MED13L: variants seen among roughly 807,000 people sequenced by gnomAD.
MED13L encodes mediator of RNA polymerase II transcription subunit 13-like.
MED13L carries 7 observed loss-of-function variants against 220.9 expected under a neutral mutation model. The observed-to-expected ratio is 0.03, with a 90% confidence interval of 0.02 to 0.06. The LOEUF is 0.06. Among genes scored for constraint, MED13L ranks in the 10% least tolerant of loss-of-function variants. The pLI is 1.00. For missense variants in MED13L, 1,965 were observed against 2,760.5 expected, an observed-to-expected ratio of 0.71 and a Z score of 6.46; for synonymous variants, 1,011 against 1,015.2, an observed-to-expected ratio of 1.00 and a Z score of 0.08.
At chr12:116,019,704 T>C (rs1879939482) in intron 6 of MED13L, 74 bp downstream of exon 6, 4 of 1,492,630 alleles carry the variant, frequency 2.7e-6, no homozygotes, top group Non-Finnish European at 2.8e-6. Context: ...TTCTGAAGAA[T>C]CTAAATGATT....
intron 5 of MED13L, 75 bp from the exon 6 acceptor site, chr12:116,020,047 G>T: frequency 7.7e-7 from 1 of 1,298,002 alleles, no homozygotes; most frequent in Non-Finnish European, 1.1e-6. Flanking sequence ...TACATATGTG[G>T]TAATTTTAGG....
At chr12:116,251,078 T>C (rs1405878989) in intron 1 of MED13L, among the ~76,000 whole-genome samples, 1 of 150,740 alleles carries the variant, frequency 6.6e-6, no homozygotes, top group African/African-American at 2.4e-5. Context: ...AAGCCAATTA[T>C]TGGATAAATA....
intron 4 of MED13L, among the ~76,000 whole-genome samples, chr12:116,040,504 A>G (rs1317614138): frequency 6.6e-6 from 1 of 152,224 alleles, no homozygotes; most frequent in South Asian, 2.1e-4. Flanking sequence ...TTCTCCTTTC[A>G]TAATGCTAAT....
chr12:115,971,696 G>C (rs1283785754), intron 26 of MED13L, among the ~76,000 whole-genome samples: 1 of 152,166 alleles, frequency 6.6e-6, no homozygotes, highest in African/African-American at 2.4e-5. Flanking sequence ...CGAGGCTGCT[G>C]AGAGATTCTG....
chr12:115,987,091 A>G lies in MED13L; in HGVS notation c.4114+18T>C, dbSNP rs776353672. 6.2e-7 allele frequency: 1 copy of G among 1,613,562 alleles called. No individual in the cohort carries two copies. The highest frequency in any genetic ancestry group is 8.5e-7 in the Non-Finnish European group (1 of 1,179,560). ...GCACTGAAGTCAGAAGGAATTTTAA[A>G]CAGGACAAAGACCCTACCGTAGGTT... On this transcript the variant is annotated intron_variant, in intron 18 of 30. Coordinates refer to ENST00000281928, the MANE Select transcript of MED13L (RefSeq NM_015335.5).
At chr12:116,072,969 T>C (rs1236781292) in intron 4 of MED13L, among the ~76,000 whole-genome samples, 1 of 152,226 alleles carries the variant, frequency 6.6e-6, no homozygotes, top group African/African-American at 2.4e-5. Context: ...GAATTTGAAT[T>C]AAAACTTTAA....
chr12:116,115,744 A>G (rs1366324338), intron 2 of MED13L, among the ~76,000 whole-genome samples: 2 of 152,216 alleles, frequency 1.3e-5, no homozygotes, highest in Non-Finnish European at 2.9e-5. Flanking sequence ...AATAGCAAAT[A>G]AGTATATGAA....
At chr12:116,021,082 A>C (rs1161864268) in intron 5 of MED13L, among the ~76,000 whole-genome samples, 1 of 152,162 alleles carries the variant, frequency 6.6e-6, no homozygotes, top group East Asian at 1.9e-4. Context: ...AATTTGGATA[A>C]TTATGATGAA....
At chr12:116,177,976 C>T (rs1880198544) in intron 2 of MED13L, among the ~76,000 whole-genome samples, 1 of 152,154 alleles carries the variant, frequency 6.6e-6, no homozygotes. Flanking sequence ...CCCTGTCAGC[C>T]TCTCAGGTAG....
intron 4 of MED13L, among the ~76,000 whole-genome samples, chr12:116,088,195 G>C (rs573213365): frequency 6.6e-6 from 1 of 152,236 alleles, no homozygotes; most frequent in South Asian, 2.1e-4. Context: ...GCATAGGGCA[G>C]ACTGAACCAC....
chr12:116,212,697 C>A (rs574408139), intron 2 of MED13L, among the ~76,000 whole-genome samples: 51 of 152,252 alleles, frequency 3.3e-4, no homozygotes, highest in Non-Finnish European at 5.3e-4. Context: ...GAGTAAAACA[C>A]ATGTATAGAA....
chr12:116,044,135 T>A (rs1007628302), intron 4 of MED13L, among the ~76,000 whole-genome samples: 1 of 152,212 alleles, frequency 6.6e-6, no homozygotes, highest in African/African-American at 2.4e-5. Flanking sequence ...TGTTCCTGGA[T>A]CTTAATCACA....
rs28940310 is a variant in MED13L, at chr12:115,975,287, C to T, written c.5615G>A (p.Arg1872His). 9.3e-6 allele frequency: 15 copies of T among 1,614,072 alleles called. No homozygotes were observed. Among genetic ancestry groups the T allele is most frequent in the East Asian group, 4.5e-5 (2 of 44,878 alleles). Reference protein sequence around the residue: ...NRSRRSKVSARKIGLQKLWEW... With the variant: ...NRSRRSKVSAHKIGLQKLWEW... ...CCATAACTTCTGTAGTCCAATTTTA[C>T]GTGCAGATACTTTACTCCTCCGTGA... Residue 1872 changes from arginine to histidine, a missense_variant, in exon 25 of 31, where the codon CGT becomes CAT. Physicochemically the swap from Arg to His is conservative, Grantham distance 29. This residue lies in a region of MED13L where 510 missense variants were observed against 620.4 expected (regional missense o/e 0.82). Transcript: ENST00000281928.
rs532433335 is a variant in MED13L, at chr12:116,191,509, T to C, written c.310+45959A>G. ...CCATGCCCAGGTAATTTTTGTGTTT[T>C]AGTAGAGATGGGGTTTCACCATGTT... On this transcript the variant is annotated intron_variant, in intron 2 of 30. Transcript: ENST00000281928. Among the ~76,000 whole-genome samples, 334 of 152,032 alleles carry C rather than the reference T, an allele frequency of 2.2e-3. 1 individual carries two copies. The highest frequency in any genetic ancestry group is 7.9e-3 in the African/African-American group (329 of 41,472).
intron 2 of MED13L, among the ~76,000 whole-genome samples, chr12:116,203,847 G>T (rs1267364266): frequency 6.6e-6 from 1 of 152,026 alleles, no homozygotes; most frequent in African/African-American, 2.4e-5. Flanking sequence ...AAAAAGACAA[G>T]AGTGAAAAGT....
chr12:116,141,716 G>A (rs971188300), intron 2 of MED13L, among the ~76,000 whole-genome samples: 9 of 152,032 alleles, frequency 5.9e-5, no homozygotes, highest in African/African-American at 2.2e-4. Context: ...CCTCCCGTGG[G>A]ACCTCTGCTT....
intron 2 of MED13L, among the ~76,000 whole-genome samples, chr12:116,157,654 T>C (rs1364851816): frequency 6.6e-6 from 1 of 152,244 alleles, no homozygotes; most frequent in Non-Finnish European, 1.5e-5. Flanking sequence ...ATCTGTTGAA[T>C]AGTGAAGTTG....
intron 4 of MED13L, among the ~76,000 whole-genome samples, chr12:116,069,013 T>G (rs1046495598): frequency 6.6e-6 from 1 of 152,128 alleles, no homozygotes; most frequent in Non-Finnish European, 1.5e-5. Flanking sequence ...AGGCAGTGCC[T>G]CCCTTGAAGT....
intron 3 of MED13L, among the ~76,000 whole-genome samples, chr12:116,105,486 G>A (rs559079770): frequency 2.8e-3 from 420 of 152,322 alleles, no homozygotes; most frequent in Non-Finnish European, 5.1e-3. Context: ...GGAAAAATAA[G>A]TGTAATTGCA....
Sources: allele counts gnomAD v4.1 joint callset (sites outside exome capture counted in the v4.1 genomes callset), GRCh38; gene constraint gnomAD v4.1.1; regional missense constraint gnomAD v4.1.1; transcripts MANE v1.5; gene names NCBI Gene and HGNC (gene_info 2026-07-23, HGNC 2026-07-21).